NOX4: variants seen among roughly 807,000 people sequenced by gnomAD.
NOX4 encodes the protein kidney oxidase-1.
A neutral mutation model predicts 87.6 loss-of-function variants in NOX4; 69 were observed. The ratio of observed to expected loss-of-function variants is 0.79; its 90% CI spans 0.65 to 0.96. The LOEUF is 0.96. Among genes scored for constraint, NOX4 ranks in the 40% least tolerant of loss-of-function variants. The pLI is 0.00. For synonymous variants in NOX4, 275 were observed against 238.2 expected, an observed-to-expected ratio of 1.15 and a Z score of -1.42; for missense variants, 680 against 681.5, an observed-to-expected ratio of 1.00 and a Z score of 0.02.
At chr11:89,433,560 A>G (rs1025061190) in intron 6 of NOX4, among the ~76,000 whole-genome samples, 1 of 152,088 alleles carries the variant, frequency 6.6e-6, no homozygotes, top group Non-Finnish European at 1.5e-5. Context: ...AACTGCTTTT[A>G]GGCTTCACTA....
intron 8 of NOX4, among the ~76,000 whole-genome samples, chr11:89,418,525 T>C (rs898558610): frequency 1.3e-5 from 2 of 151,110 alleles, no homozygotes; most frequent in Admixed American, 6.6e-5. Flanking sequence ...AAGCATTCAA[T>C]TAATATTAAT....
chr11:89,454,229 G>C (rs555028848), intron 2 of NOX4, among the ~76,000 whole-genome samples: 81 of 152,068 alleles, frequency 5.3e-4, no homozygotes, highest in South Asian at 8.3e-4. Flanking sequence ...CTCAAGACCA[G>C]GGTAAATATT....
intron 12 of NOX4, among the ~76,000 whole-genome samples, chr11:89,359,402 A>G (rs1938338325): frequency 7.3e-6 from 1 of 137,728 alleles, no homozygotes; most frequent in African/African-American, 2.7e-5. Flanking sequence ...TTTTTTTGAG[A>G]TGGAGTCTTG....
intron 8 of NOX4, among the ~76,000 whole-genome samples, chr11:89,409,216 G>C (rs1942345257): frequency 6.6e-6 from 1 of 152,086 alleles, no homozygotes; most frequent in African/African-American, 2.4e-5. Flanking sequence ...TACTGAAAAT[G>C]TTTCTTAAAT....
chr11:89,526,161 T>G, the NOX4 span, among the ~76,000 whole-genome samples: 1 of 152,174 alleles, frequency 6.6e-6, no homozygotes, highest in Non-Finnish European at 1.5e-5. Flanking sequence ...TTTTTAAAAT[T>G]TTTTTGACTA....
Position 89,335,904 on chromosome 11 carries a change from C to T in NOX4, c.1557G>A (p.Leu519=). The change falls in exon 17 of 18, where the codon CTG becomes CTA. Residue 519 remains leucine, a synonymous_variant. Transcript: ENST00000263317. ...GTTTCCACCGAGGACGTCCTATAAA[C>T]AGTCTTGAATTCAGTGCATGATATT... The part of the protein sequence containing the change: ...GEKYHALNSR[L]FIGRPRWKLL... 1 of 1,601,696 alleles carries T rather than the reference C, an allele frequency of 6.2e-7. No homozygotes were observed. The highest frequency in any genetic ancestry group is 1.1e-5 in the South Asian group (1 of 88,076).
intron 8 of NOX4, 87 bp downstream of exon 8, chr11:89,421,815 C>T: frequency 1.4e-6 from 1 of 708,386 alleles, no homozygotes; most frequent in Non-Finnish European, 2.4e-6. Flanking sequence ...ACTTTTACCA[C>T]CTCCTATGAA....
chr11:89,552,726 A>G, the NOX4 span, among the ~76,000 whole-genome samples: 1 of 152,198 alleles, frequency 6.6e-6, no homozygotes, highest in Non-Finnish European at 1.5e-5. Context: ...TAGACATTCC[A>G]TCAGATTTAC....
At position 89,379,228 on chromosome 11, in the gene NOX4, C is replaced by A. The variant is rs534873109; in HGVS notation, c.1075-5736G>T. ...AGTGGATGAGGTAGCCATTTAGGAA[C>A]TGACTAAACAAAACATATGAAACCA... is the stretch of plus-strand genomic sequence containing the variant. On this transcript the variant is annotated intron_variant, in intron 11 of 17. Coordinates refer to ENST00000263317, the MANE Select transcript of NOX4 (RefSeq NM_016931.5). Among the ~76,000 whole-genome samples, 7 of 152,204 alleles carry A rather than the reference C, an allele frequency of 4.6e-5. No homozygotes were observed. In the South Asian group the frequency reaches 1.5e-3, roughly 32 times the overall value.
At chr11:89,589,118 G>C in the NOX4 span, among the ~76,000 whole-genome samples, 4 of 152,128 alleles carry the variant, frequency 2.6e-5, no homozygotes, top group Admixed American at 2.6e-4. Flanking sequence ...CAATTACTAG[G>C]AAATCTTTCT....
chr11:89,562,548 A>G, the NOX4 span, among the ~76,000 whole-genome samples: 1 of 152,176 alleles, frequency 6.6e-6, no homozygotes, highest in African/African-American at 2.4e-5. Context: ...AGTACTTAAC[A>G]TGGCACATAA....
chr11:89,490,858 G>C lies in NOX4; in HGVS notation c.58-305C>G, dbSNP rs1946822380. ...AATTAATGACATCACCATACCCCAA[G>C]CAAACAGAAGTAATCTGGGAAAAGA... On this transcript the variant is annotated intron_variant, in intron 1 of 17. Transcript: ENST00000263317. The C allele has an allele frequency of 4.3e-6, 3 of 700,900 alleles. No homozygotes were observed. The South Asian group carries it at 4.5e-5, about 11-fold the overall frequency. The allele number at this position is 700,900 out of a possible 1,614,324, so 43.4% of individuals were successfully genotyped here.
At position 89,487,195 on chromosome 11, in the gene NOX4, G is replaced by T. The variant is rs192382096; in HGVS notation, c.153+3263C>A. On this transcript the variant is annotated intron_variant, in intron 2 of 17. Transcript: ENST00000263317. ...CTAGCTCTGACACTGACCATTAAAA[G>T]GTATTTCAGCGAGTCATACAGCTTC... Among the ~76,000 whole-genome samples, 11 of 152,160 alleles carry T rather than the reference G, an allele frequency of 7.2e-5. No homozygotes were observed. The East Asian group carries it at 1.5e-3, about 21-fold the overall frequency.
intron 2 of NOX4, among the ~76,000 whole-genome samples, chr11:89,469,027 G>C (rs976219498): frequency 2.0e-5 from 3 of 152,258 alleles, no homozygotes; most frequent in African/African-American, 7.2e-5. Context: ...ACCACACAAG[G>C]CCTGAAAGCT....
At chr11:89,360,017 T>C in intron 12 of NOX4, among the ~76,000 whole-genome samples, 1 of 149,894 alleles carries the variant, frequency 6.7e-6, no homozygotes, top group Non-Finnish European at 1.5e-5. Context: ...ATTAAGACTC[T>C]ATTAAAGTCT....
intron 2 of NOX4, among the ~76,000 whole-genome samples, chr11:89,486,459 AAT>A (rs1388328628): frequency 2.3e-5 from 3 of 128,460 alleles, no homozygotes; most frequent in South Asian, 2.5e-4. Context: ...ACGCCCAGCT[AAT>A]ATATGTGTGT....
the NOX4 span, among the ~76,000 whole-genome samples, chr11:89,532,086 G>A: frequency 5.3e-5 from 8 of 152,344 alleles, no homozygotes; most frequent in South Asian, 1.0e-3. Context: ...GAGAACCTCT[G>A]CTAGGACAAT....
chr11:89,544,317 G>A, the NOX4 span, among the ~76,000 whole-genome samples: 4 of 151,692 alleles, frequency 2.6e-5, no homozygotes, highest in African/African-American at 9.7e-5. Flanking sequence ...TTTATTTATT[G>A]CCTGCATTCC....
chr11:89,424,689 G>C (rs971872492), intron 7 of NOX4, among the ~76,000 whole-genome samples: 4 of 151,862 alleles, frequency 2.6e-5, no homozygotes, highest in African/African-American at 7.2e-5. Flanking sequence ...AAAATCAATT[G>C]AGATGAGAAA....
Sources: allele counts gnomAD v4.1 joint callset (sites outside exome capture counted in the v4.1 genomes callset), GRCh38; gene constraint gnomAD v4.1.1; transcripts MANE v1.5; gene names NCBI Gene and HGNC (gene_info 2026-07-23, HGNC 2026-07-21).